Variants in ATF6 observed in about 807,000 individuals in gnomAD.
The protein encoded by ATF6 is activating transcription factor 6, also known as cyclic AMP-dependent transcription factor ATF-6 alpha.
In ATF6, 53 loss-of-function variants were observed where a neutral mutation model predicts 83.6. The observed-to-expected ratio is 0.63, with a 90% confidence interval of 0.51 to 0.80. The LOEUF (loss-of-function observed/expected upper bound fraction) is 0.80, where lower values mean the gene tolerates loss of function less well. ATF6 is among the 30% of genes least tolerant of loss of function. ATF6 has a pLI of 0.00. For synonymous variants in ATF6, 288 were observed against 285.8 expected (o/e 1.01, Z -0.08); for missense variants, 744 against 797.9 (o/e 0.93, Z 0.81).
chr1:161,805,913 A>G (rs1186070348), intron 7 of ATF6, among the ~76,000 whole-genome samples: 1 of 151,984 alleles, frequency 6.6e-6, no homozygotes, highest in African/African-American at 2.4e-5. Flanking sequence ...TTCACTCTCC[A>G]GAGGCCTGCT....
chr1:161,778,283 C>T lies in ATF6; in HGVS notation c.122C>T (p.Thr41Ile). The T allele has an allele frequency of 6.2e-7, 1 of 1,613,766 alleles. No homozygotes were observed. The highest frequency in any genetic ancestry group is 8.5e-7 in the Non-Finnish European group (1 of 1,179,814). Residue 41 changes from threonine to isoleucine, a missense_variant, in exon 2 of 16, where the codon ACT becomes ATT. Transcript: ENST00000367942. ...GCTGAACTCGGTTATTTCACAGACA[C>T]TGATGAGCTGCAATTGGAAGCAGCA... ...LFAELGYFTD[T>I]DELQLEAANE...
intron 14 of ATF6, among the ~76,000 whole-genome samples, chr1:161,898,233 AAATATCATATCCAGGCT>A (rs1372341246): frequency 6.6e-6 from 1 of 152,174 alleles, no homozygotes; most frequent in Non-Finnish European, 1.5e-5. Flanking sequence ...CAAGCCTTTT[AAATATCATATCCAGGCT>A]TTTGGTGAGA....
At chr1:161,898,505 A>G (rs1687720097) in intron 14 of ATF6, among the ~76,000 whole-genome samples, 1 of 151,908 alleles carries the variant, frequency 6.6e-6, no homozygotes, top group South Asian at 2.1e-4. Flanking sequence ...ATATAGTTAT[A>G]TAGTACTCAT....
chr1:161,767,447 T>G (rs1026979485), intron 1 of ATF6, among the ~76,000 whole-genome samples: 4 of 152,206 alleles, frequency 2.6e-5, no homozygotes, highest in African/African-American at 4.8e-5. Context: ...CTGGAAAACT[T>G]AAGATTTTTT....
intron 12 of ATF6, among the ~76,000 whole-genome samples, chr1:161,855,598 G>A (rs891966460): frequency 6.6e-6 from 1 of 152,148 alleles, no homozygotes; most frequent in Admixed American, 6.5e-5. Flanking sequence ...AGAAAACAGA[G>A]TGAGGTACCA....
chr1:161,850,476 A>G (rs539481940), intron 10 of ATF6, among the ~76,000 whole-genome samples: 138 of 152,316 alleles, frequency 9.1e-4, no homozygotes, highest in African/African-American at 3.2e-3. Context: ...TCTAAAGTAT[A>G]TACTACCATT....
intron 9 of ATF6, among the ~76,000 whole-genome samples, chr1:161,835,077 T>A (rs1686180770): frequency 6.6e-6 from 1 of 152,200 alleles, no homozygotes; most frequent in Non-Finnish European, 1.5e-5. Flanking sequence ...TATTTTTTAT[T>A]TTTATTTTTA....
chr1:161,781,950 G>C lies in ATF6; in HGVS notation c.198G>C (p.Leu66Phe). 6.2e-7 allele frequency: 1 copy of C among 1,611,328 alleles called. No homozygotes were observed. Among genetic ancestry groups the C allele is most frequent in the African/African-American group, 1.3e-5 (1 of 74,972 alleles). ...NFDNLDFDLD[L>F]MPWESDIWDI... is the part of the protein sequence containing the mutation. ...ATAATCTTGATTTTGATTTGGATTTGATGCCTTGGGAGTCAGACATTTGGG... is the reference window on the plus strand; with the variant it reads ...ATAATCTTGATTTTGATTTGGATTTCATGCCTTGGGAGTCAGACATTTGGG... Residue 66 changes from leucine (L) to phenylalanine (F), a missense_variant, in exon 3 of 16, where the codon TTG (leucine) becomes TTC (phenylalanine). Physicochemically the swap from Leu to Phe is conservative, Grantham distance 22 (BLOSUM62 0). Transcript: ENST00000367942.
In ATF6 at chr1:161,860,208, G is replaced by A. The variant is rs1395738616; in HGVS notation, c.1535G>A (p.Gly512Asp). ...NNQQKTRILQ[G>D]ALEQGSNSQL... ...CTTTTTTTTTTTTTAATATTCCAGG[G>A]TGCTCTGGAACAGGGCTCAAATTCT... The change falls in exon 13 of 16, where the codon GGT (glycine) becomes GAT (aspartate). Residue 512 changes from glycine (G) to aspartate (D), a missense_variant and splice_region_variant. Gly to Asp is a moderately conservative substitution (Grantham distance 94). Coordinates refer to ENST00000367942, the MANE Select transcript of ATF6 (RefSeq NM_007348.4). 1.9e-6 allele frequency: 3 copies of A among 1,572,660 alleles called. No individual in the cohort carries two copies. In the South Asian group the frequency reaches 3.6e-5, roughly 19 times the overall value.
At position 161,912,378 on chromosome 1, in the gene ATF6, A is replaced by G. The variant is rs1322014940; in HGVS notation, c.1802A>G (p.Asn601Ser). The G allele has an allele frequency of 6.2e-7, 1 of 1,603,210 alleles. No individual in the cohort carries two copies. The highest frequency in any genetic ancestry group is 8.5e-7 in the Non-Finnish European group (1 of 1,172,400). ...MSIVLPAINI[N>S]ENVINGQDYE... ...ATTGTGTTACCAGCAATAAACATAA[A>G]TGGTAAGTTGAAATTCTGATGTATG... Residue 601 changes from asparagine to serine, a missense_variant and splice_region_variant, in exon 15 of 16, where the codon AAT (asparagine) becomes AGT (serine). Transcript: ENST00000367942.
chr1:161,830,917 G>A (rs1686041458), intron 9 of ATF6, among the ~76,000 whole-genome samples: 1 of 152,178 alleles, frequency 6.6e-6, no homozygotes, highest in Non-Finnish European at 1.5e-5. Context: ...AACACCAAAA[G>A]CAATGGCAAC....
intron 15 of ATF6, among the ~76,000 whole-genome samples, chr1:161,949,743 C>G (rs1688824631): frequency 1.3e-5 from 2 of 152,088 alleles, no homozygotes; most frequent in African/African-American, 4.8e-5. Context: ...CCCATGGGAA[C>G]TAATAAATCA....
chr1:161,882,702 G>A (rs1310751971), intron 14 of ATF6, among the ~76,000 whole-genome samples: 3 of 145,750 alleles, frequency 2.1e-5, no homozygotes, highest in East Asian at 2.1e-4. Flanking sequence ...AGTGGGGGTC[G>A]ATACAGCTTT....
rs1557971141 is a variant in ATF6, at chr1:161,807,863, A to ATTTT, written c.909+5592_909+5593insTTTT. On this transcript the variant is annotated intron_variant, in intron 7 of 15. Coordinates refer to ENST00000367942, the MANE Select transcript of ATF6 (RefSeq NM_007348.4). ...TACTTTTTGTACTTTTTAGTTTGTC[A>ATTTT]TCTTTTTTTTTTTTTTTTTTTTTTT... 5.0e-3 allele frequency among the ~76,000 whole-genome samples: 276 copies of ATTTT among 54,782 alleles called. 19 individuals carry two copies. The highest frequency in any genetic ancestry group is 0.021 in the African/African-American group (260 of 12,222). The allele number at this position is 54,782 out of a possible 152,430, so 35.9% of individuals were successfully genotyped here. A position where few individuals can be genotyped will look rare whatever the true frequency, so the allele number is the denominator to read the frequency against.
intron 6 of ATF6, 36 bp downstream of exon 6, chr1:161,792,363 T>A (rs369291362): frequency 1.6e-5 from 25 of 1,572,360 alleles, no homozygotes; most frequent in Non-Finnish European, 2.1e-5. Flanking sequence ...GTAAATTTAT[T>A]TGGAGGGCAG....
chr1:161,903,032 T>C (rs1179922907), intron 14 of ATF6, among the ~76,000 whole-genome samples: 7 of 152,202 alleles, frequency 4.6e-5, no homozygotes, highest in African/African-American at 1.7e-4. Flanking sequence ...ACCTTTTTTT[T>C]CTGCTGATAA....
chr1:161,832,822 T>A (rs1164309698), intron 9 of ATF6, among the ~76,000 whole-genome samples: 1 of 152,190 alleles, frequency 6.6e-6, no homozygotes, highest in Non-Finnish European at 1.5e-5. Context: ...AGGCTCCACC[T>A]CTAGGGGCAG....
chr1:161,849,412 G>T (rs896210126), intron 10 of ATF6, among the ~76,000 whole-genome samples: 3 of 152,126 alleles, frequency 2.0e-5, no homozygotes, highest in African/African-American at 7.2e-5. Flanking sequence ...CTCGTGTGTG[G>T]CATAAATAGC....
rs373888481 is a variant in ATF6 at position 161,781,908 on chromosome 1, A to G, written c.160-4A>G. On this transcript the variant is annotated splice_polypyrimidine_tract_variant and splice_region_variant and intron_variant, in intron 2 of 15. Transcript: ENST00000367942. ...ATATTCTTTTGCTGATTTGAAACCT[A>G]CAGGAAAACAATTTTGATAATCTTG... is the stretch of plus-strand genomic sequence containing the variant. 7 of 1,592,942 alleles carry G rather than the reference A, an allele frequency of 4.4e-6. No individual in the cohort carries two copies. Among genetic ancestry groups the G allele is most frequent in the South Asian group, 1.1e-5 (1 of 88,786 alleles).
Sources: gnomAD v4.1 joint callset for allele counts (sites outside exome capture counted in the v4.1 genomes callset) on GRCh38, gnomAD v4.1.1 for gene constraint, MANE v1.5 for transcripts, NCBI Gene and HGNC (gene_info 2026-07-23, HGNC 2026-07-21) for gene names.